The following ZNF804B variants were observed in gnomAD, a reference collection of about 807,000 sequenced individuals.
ZNF804B encodes zinc finger protein 804B, also known as zinc finger 804B.
Under a neutral mutation model 101.4 loss-of-function variants are expected in ZNF804B, and 80 were observed. The observed-to-expected ratio is 0.79, with a 90% CI of 0.66 to 0.95. The LOEUF is 0.95. Among genes scored for constraint, ZNF804B ranks in the 40% least tolerant of loss-of-function variants. The probability of loss-of-function intolerance (pLI) is 0.00; values close to 1 mark genes in which losing one functional copy is unlikely to be tolerated. For missense variants in ZNF804B, 1,673 were observed against 1,561.9 expected (o/e 1.07, Z -1.20); for synonymous variants, 622 against 558.8 (o/e 1.11, Z -1.59).
At chr7:88,775,605 T>C (rs4141400) in intron 1 of ZNF804B, among the ~76,000 whole-genome samples, 7,922 of 152,228 alleles carry the variant, frequency 0.052, 403 homozygotes, top group East Asian at 0.28. Context: ...AACAAGAAAA[T>C]AGGAGTTCCA....
chr7:89,254,891 C>A (rs1449885451), intron 2 of ZNF804B, among the ~76,000 whole-genome samples: 2 of 152,112 alleles, frequency 1.3e-5, no homozygotes, highest in Non-Finnish European at 2.9e-5. Flanking sequence ...GGCAATCCAC[C>A]CACCTTGGCC....
At chr7:89,217,438 G>A (rs1253288389) in intron 1 of ZNF804B, among the ~76,000 whole-genome samples, 5 of 152,112 alleles carry the variant, frequency 3.3e-5, no homozygotes, top group South Asian at 2.1e-4. Context: ...TTACTCATAG[G>A]GTTGTTGTGA....
intron 1 of ZNF804B, chr7:88,795,047 CTG>C (rs1790457651): frequency 1.1e-6 from 1 of 943,462 alleles, no homozygotes; most frequent in Admixed American, 3.3e-5. Flanking sequence ...TTTATTTCTT[CTG>C]ACAAAAAAAA....
chr7:89,037,566 G>GATAT (rs59604792), intron 1 of ZNF804B, among the ~76,000 whole-genome samples: 3,602 of 145,748 alleles, frequency 0.025, 118 homozygotes, highest in African/African-American at 0.081. Context: ...GTAATGCATG[G>GATAT]ATATATATAT....
chr7:89,148,589 T>C (rs1370427306), intron 1 of ZNF804B, among the ~76,000 whole-genome samples: 1 of 152,068 alleles, frequency 6.6e-6, no homozygotes, highest in Admixed American at 6.6e-5. Context: ...ATACAAGTAG[T>C]TGAACAAAAT....
intron 1 of ZNF804B, among the ~76,000 whole-genome samples, chr7:88,761,754 A>G (rs1174392057): frequency 6.6e-6 from 1 of 152,222 alleles, no homozygotes; most frequent in Non-Finnish European, 1.5e-5. Flanking sequence ...TTCTCAGTAT[A>G]AAGGGAGAAT....
At chr7:89,036,941 G>T (rs2116241439) in intron 1 of ZNF804B, among the ~76,000 whole-genome samples, 1 of 152,240 alleles carries the variant, frequency 6.6e-6, no homozygotes, top group African/African-American at 2.4e-5. Flanking sequence ...ATCAAAATTG[G>T]TTCTTGCTAT....
At chr7:88,871,601 T>A (rs1791823922) in intron 1 of ZNF804B, among the ~76,000 whole-genome samples, 1 of 152,090 alleles carries the variant, frequency 6.6e-6, no homozygotes, top group Non-Finnish European at 1.5e-5. Context: ...ACATAAAATA[T>A]ATATTTAAAC....
intron 1 of ZNF804B, among the ~76,000 whole-genome samples, chr7:88,963,070 T>G (rs1222884846): frequency 6.6e-6 from 1 of 151,014 alleles, no homozygotes; most frequent in Admixed American, 6.6e-5. Context: ...ACTAGAAGAC[T>G]TAATATTATG....
intron 1 of ZNF804B, among the ~76,000 whole-genome samples, chr7:89,109,586 T>A (rs1002151184): frequency 1.3e-5 from 2 of 152,188 alleles, no homozygotes; most frequent in African/African-American, 4.8e-5. Context: ...GTAACTTCTC[T>A]TTCACAGACT....
chr7:88,931,853 G>T (rs1792891941), intron 1 of ZNF804B, among the ~76,000 whole-genome samples: 1 of 151,740 alleles, frequency 6.6e-6, no homozygotes, highest in South Asian at 2.1e-4. Context: ...GTTCACACTT[G>T]ATCAATTGAA....
chr7:89,163,521 A>T (rs1031628622), intron 1 of ZNF804B, among the ~76,000 whole-genome samples: 1 of 152,276 alleles, frequency 6.6e-6, no homozygotes, highest in South Asian at 2.1e-4. Context: ...TATGAAAAAT[A>T]GGAGAGTTAA....
At chr7:89,229,585 A>C (rs1789156339) in intron 2 of ZNF804B, among the ~76,000 whole-genome samples, 1 of 152,240 alleles carries the variant, frequency 6.6e-6, no homozygotes, top group Admixed American at 6.5e-5. Flanking sequence ...ATAGAAATGC[A>C]AAGAGAAACA....
At chr7:89,227,137 T>G (rs943690377) in intron 2 of ZNF804B, among the ~76,000 whole-genome samples, 1 of 152,228 alleles carries the variant, frequency 6.6e-6, no homozygotes, top group African/African-American at 2.4e-5. Flanking sequence ...TATGTTTTCT[T>G]TATTTCCTGA....
chr7:89,310,963 T>G (rs924879379), intron 2 of ZNF804B, among the ~76,000 whole-genome samples: 16 of 135,412 alleles, frequency 1.2e-4, no homozygotes. Flanking sequence ...TAAAGGATTC[T>G]CTTAAGATTT....
intron 2 of ZNF804B, among the ~76,000 whole-genome samples, chr7:89,221,528 A>G (rs537779734): frequency 2.0e-5 from 3 of 152,080 alleles, no homozygotes; most frequent in South Asian, 4.1e-4. Context: ...TGAGAACTGT[A>G]GGAAGTATTG....
At chr7:89,160,909 C>T (rs944464631) in intron 1 of ZNF804B, among the ~76,000 whole-genome samples, 42 of 152,148 alleles carry the variant, frequency 2.8e-4, no homozygotes, top group Non-Finnish European at 7.3e-5. Context: ...ATTCACATAG[C>T]TGATAAGTAG....
At chr7:89,307,020 C>T (rs566518524) in intron 2 of ZNF804B, among the ~76,000 whole-genome samples, 2 of 152,076 alleles carry the variant, frequency 1.3e-5, no homozygotes, top group African/African-American at 2.4e-5. Flanking sequence ...TCTGTTTACA[C>T]TCCCAAGAGT....
chr7:89,204,958 A>G (rs1017397366), intron 1 of ZNF804B, among the ~76,000 whole-genome samples: 1 of 152,160 alleles, frequency 6.6e-6, no homozygotes, highest in Non-Finnish European at 1.5e-5. Context: ...AGACTGGATG[A>G]TTTATAAAGG....
Sources: gnomAD v4.1 joint callset for allele counts (sites outside exome capture counted in the v4.1 genomes callset) on GRCh38, gnomAD v4.1.1 for gene constraint, MANE v1.5 for transcripts, NCBI Gene and HGNC (gene_info 2026-07-23, HGNC 2026-07-21) for gene names.